Variants in WWOX observed in about 807,000 individuals in gnomAD.
The protein encoded by WWOX is WW domain-containing oxidoreductase.
In WWOX, 69 loss-of-function variants were observed where a neutral mutation model predicts 46.2. That is an observed-to-expected ratio of 1.49 (90% CI 1.23 to 1.82). The LOEUF (loss-of-function observed/expected upper bound fraction) is 1.82, where lower values mean the gene tolerates loss of function less well. WWOX is among the 40% of genes most tolerant of loss of function. WWOX has a pLI of 0.00. For missense variants in WWOX, 919 were observed against 542.6 expected (o/e 1.69, Z -6.89); for synonymous variants, 359 against 202.6 (o/e 1.77, Z -6.56).
At chr16:78,802,598 TAGTG>T (rs1567570530) in intron 8 of WWOX, among the ~76,000 whole-genome samples, 1 of 152,014 alleles carries the variant, frequency 6.6e-6, no homozygotes. Flanking sequence ...TTTGTGAATA[TAGTG>T]AGTGACTAAA....
intron 6 of WWOX, among the ~76,000 whole-genome samples, chr16:78,395,016 A>G (rs780382008): frequency 2.0e-5 from 3 of 152,208 alleles, no homozygotes; most frequent in Non-Finnish European, 4.4e-5. Flanking sequence ...AATAGCCATA[A>G]TGCATGAAAT....
intron 5 of WWOX, among the ~76,000 whole-genome samples, chr16:78,196,222 G>A (rs1430298638): frequency 6.6e-6 from 1 of 152,144 alleles, no homozygotes; most frequent in Non-Finnish European, 1.5e-5. Context: ...TGAATGTATT[G>A]CAAGCTGTTT....
At chr16:79,195,297 G>A (rs2041868959) in intron 8 of WWOX, among the ~76,000 whole-genome samples, 1 of 152,074 alleles carries the variant, frequency 6.6e-6, no homozygotes, top group Non-Finnish European at 1.5e-5. Context: ...GGTGGAGGGA[G>A]GATTGAGCTG....
chr16:78,155,040 T>A (rs753380508), intron 4 of WWOX, among the ~76,000 whole-genome samples: 1 of 152,166 alleles, frequency 6.6e-6, no homozygotes, highest in Non-Finnish European at 1.5e-5. Context: ...TCAGCTAACC[T>A]GTCACCACGT....
At chr16:78,394,207 G>C (rs989527464) in intron 6 of WWOX, among the ~76,000 whole-genome samples, 1 of 152,136 alleles carries the variant, frequency 6.6e-6, no homozygotes, top group Non-Finnish European at 1.5e-5. Flanking sequence ...CTCAATATGA[G>C]AAATCCATTT....
chr16:78,582,231 G>A (rs969818589), intron 8 of WWOX, among the ~76,000 whole-genome samples: 1 of 152,170 alleles, frequency 6.6e-6, no homozygotes, highest in Non-Finnish European at 1.5e-5. Context: ...TGGCCAAAGT[G>A]TGTCAGGTGA....
chr16:79,095,216 A>T (rs2049044381), intron 8 of WWOX, among the ~76,000 whole-genome samples: 1 of 151,744 alleles, frequency 6.6e-6, no homozygotes, highest in Non-Finnish European at 1.5e-5. Context: ...TTTCTACCCC[A>T]ACAGGGCTTT....
chr16:78,549,053 C>G (rs2044115545), intron 8 of WWOX, among the ~76,000 whole-genome samples: 1 of 152,018 alleles, frequency 6.6e-6, no homozygotes, highest in Non-Finnish European at 1.5e-5. Context: ...AATATTTGAA[C>G]TTATTTTTAG....
At chr16:78,178,168 A>C (rs917899519) in intron 5 of WWOX, among the ~76,000 whole-genome samples, 1 of 152,222 alleles carries the variant, frequency 6.6e-6, no homozygotes, top group Non-Finnish European at 1.5e-5. Context: ...AGACAGCCAC[A>C]TGCAAGTGGC....
chr16:78,923,949 G>A (rs1032915601), intron 8 of WWOX, among the ~76,000 whole-genome samples: 23 of 151,882 alleles, frequency 1.5e-4, no homozygotes, highest in South Asian at 1.2e-3. Flanking sequence ...ACAGGTGCCC[G>A]CCACCACGCC....
chr16:78,664,588 A>G (rs1171449606), intron 8 of WWOX, among the ~76,000 whole-genome samples: 1 of 152,194 alleles, frequency 6.6e-6, no homozygotes, highest in African/African-American at 2.4e-5. Context: ...TGGCAGTGTC[A>G]AAACTCTGTG....
Position 78,747,808 on chromosome 16 carries a change from T to C in WWOX, c.1056+315056T>C, listed in dbSNP as rs538742334. On this transcript the variant is annotated intron_variant, in intron 8 of 8. Transcript: ENST00000566780. ...ATGGATTGCTCAACATACCAGAGTT[T>C]AGTCCTACCTCTGTCTCCAAGCTGC... 4.6e-5 allele frequency among the ~76,000 whole-genome samples: 7 copies of C among 152,338 alleles called. No individual in the cohort carries two copies. In the South Asian group the frequency reaches 8.3e-4, roughly 18 times the overall value.
intron 8 of WWOX, among the ~76,000 whole-genome samples, chr16:78,816,039 A>G (rs1056630565): frequency 2.0e-5 from 3 of 152,212 alleles, no homozygotes; most frequent in Admixed American, 1.3e-4. Flanking sequence ...CATAGCCAGA[A>G]CATGGCAGAA....
Position 78,996,372 on chromosome 16 carries a change from ACCCAC to A in WWOX, c.1057-215232_1057-215228del, listed in dbSNP as rs1264926324. 6.3e-5 allele frequency: 29 copies of A among 459,840 alleles called. 1 individual carries two copies. In the East Asian group the frequency reaches 5.6e-3, roughly 88 times the overall value. The allele number at this position is 459,840 out of a possible 1,614,324, so 28.5% of individuals were successfully genotyped here. ...TAGAAAGAGTGTGAGTGAATTCTGC[ACCCAC>A]CCCCGCCCCCCAGCTTCCCCACCTG... On this transcript the variant is annotated intron_variant, in intron 8 of 8. Coordinates refer to ENST00000566780, the MANE Select transcript of WWOX (RefSeq NM_016373.4).
intron 8 of WWOX, among the ~76,000 whole-genome samples, chr16:79,025,127 T>TCGTTA (rs1567494927): frequency 1.3e-5 from 2 of 151,602 alleles, no homozygotes; most frequent in Non-Finnish European, 1.5e-5. Flanking sequence ...TTGTTTTGTT[T>TCGTTA]TGTTTTGTTT....
intron 8 of WWOX, among the ~76,000 whole-genome samples, chr16:79,000,216 C>T (rs2047066801): frequency 6.6e-6 from 1 of 152,154 alleles, no homozygotes; most frequent in Admixed American, 6.5e-5. Flanking sequence ...ATTGGCAGCT[C>T]ATCTCAGAAG....
chr16:78,437,417 C>T (rs7204919), intron 8 of WWOX, among the ~76,000 whole-genome samples: 48,917 of 152,158 alleles, frequency 0.32, 14,117 homozygotes, highest in African/African-American at 0.77. Context: ...TTTACAGTTA[C>T]ACATTTCTAA....
chr16:78,482,005 C>T (rs1327316664), intron 8 of WWOX, among the ~76,000 whole-genome samples: 3 of 152,122 alleles, frequency 2.0e-5, no homozygotes, highest in Admixed American at 6.5e-5. Context: ...GTTTTGCTTT[C>T]ATACACATTT....
intron 8 of WWOX, among the ~76,000 whole-genome samples, chr16:78,917,953 G>T (rs1004263953): frequency 6.6e-6 from 1 of 152,142 alleles, no homozygotes; most frequent in Non-Finnish European, 1.5e-5. Context: ...CATAATCTTA[G>T]CACTTTGGGA....
Sources: gnomAD v4.1 joint callset for allele counts (sites outside exome capture counted in the v4.1 genomes callset) on GRCh38, gnomAD v4.1.1 for gene constraint, MANE v1.5 for transcripts, NCBI Gene and HGNC (gene_info 2026-07-23, HGNC 2026-07-21) for gene names.